Variants in PTGER3 observed in about 807,000 individuals in gnomAD.
PTGER3 encodes the protein prostaglandin E receptor 3, also known as prostaglandin E2 receptor EP3 subtype.
In PTGER3, 22 loss-of-function variants were observed where a neutral mutation model predicts 34.7. The ratio of observed to expected loss-of-function variants is 0.63; its 90% confidence interval spans 0.45 to 0.91. The LOEUF is 0.91. Among genes scored for constraint, PTGER3 ranks in the 40% least tolerant of loss-of-function variants. The pLI is 0.00. For synonymous variants in PTGER3, 241 were observed against 230.1 expected, an observed-to-expected ratio of 1.05 and a Z score of -0.43; for missense variants, 468 against 519.4, an observed-to-expected ratio of 0.90 and a Z score of 0.96.
chr1:70,968,897 A>C (rs1652805660), downstream of PTGER3, among the ~76,000 whole-genome samples: 1 of 152,060 alleles, frequency 6.6e-6, no homozygotes, highest in African/African-American at 2.4e-5. Flanking sequence ...AAAACCTTTA[A>C]TAAACATGCT....
chr1:70,881,748 G>C (rs1160544326), intron 4 of PTGER3, among the ~76,000 whole-genome samples: 3 of 152,090 alleles, frequency 2.0e-5, no homozygotes, highest in Admixed American at 6.6e-5. Flanking sequence ...TGGGTGTTCT[G>C]GTCCACAGGA....
intron 4 of PTGER3, among the ~76,000 whole-genome samples, chr1:70,862,618 A>C (rs1645951606): frequency 6.6e-6 from 1 of 152,196 alleles, no homozygotes; most frequent in Non-Finnish European, 1.5e-5. Flanking sequence ...TAAAGAAGGG[A>C]ATGCTCTAGA....
At chr1:70,994,521 G>A (rs910202077) in intron 2 of PTGER3, among the ~76,000 whole-genome samples, 11 of 151,454 alleles carry the variant, frequency 7.3e-5, no homozygotes, top group Non-Finnish European at 1.3e-4. Flanking sequence ...GCAGTAGTGC[G>A]ATCTTGGCCC....
intron 4 of PTGER3, among the ~76,000 whole-genome samples, chr1:70,942,246 C>G (rs2100548130): frequency 6.6e-6 from 1 of 152,256 alleles, no homozygotes; most frequent in East Asian, 1.9e-4. Flanking sequence ...GGAGTCTGAT[C>G]CAGGAATCAC....
At chr1:70,944,838 A>C (rs928047878) in intron 4 of PTGER3, among the ~76,000 whole-genome samples, 2 of 152,094 alleles carry the variant, frequency 1.3e-5, no homozygotes, top group African/African-American at 4.8e-5. Flanking sequence ...TTCATCAGAG[A>C]AATTAGGTAA....
chr1:71,001,862 G>C (rs577283060), intron 2 of PTGER3, among the ~76,000 whole-genome samples: 1 of 152,312 alleles, frequency 6.6e-6, no homozygotes, highest in African/African-American at 2.4e-5. Context: ...TGGGAAGTCT[G>C]TAGTAAACAT....
At chr1:70,913,295 A>T (rs1225578153) in intron 4 of PTGER3, among the ~76,000 whole-genome samples, 1 of 151,932 alleles carries the variant, frequency 6.6e-6, no homozygotes, top group Non-Finnish European at 1.5e-5. Context: ...AATTTTTAGT[A>T]GTTCATTGCT....
At chr1:71,016,730 G>A (rs149009364) in intron 1 of PTGER3, among the ~76,000 whole-genome samples, 131 of 151,956 alleles carry the variant, frequency 8.6e-4, no homozygotes, top group African/African-American at 2.8e-3. Context: ...TTGAACCTAG[G>A]AGGCAGATGT....
At chr1:70,871,227 C>G (rs560013891) in intron 4 of PTGER3, among the ~76,000 whole-genome samples, 1 of 152,208 alleles carries the variant, frequency 6.6e-6, no homozygotes, top group South Asian at 2.1e-4. Flanking sequence ...GGAGAAGGCA[C>G]TTCACATAAC....
chr1:70,858,459 A>T (rs1645858792), intron 4 of PTGER3, among the ~76,000 whole-genome samples: 1 of 152,160 alleles, frequency 6.6e-6, no homozygotes, highest in African/African-American at 2.4e-5. Context: ...TAATAAAGAC[A>T]TTTGATTCTG....
intron 1 of PTGER3, among the ~76,000 whole-genome samples, chr1:71,017,322 T>C (rs991205677): frequency 1.3e-5 from 2 of 152,172 alleles, no homozygotes; most frequent in Admixed American, 6.5e-5. Context: ...GGAATGAGGA[T>C]GACCTCCTCT....
At chr1:70,966,642 C>T (rs1652552412), downstream of PTGER3, among the ~76,000 whole-genome samples, 1 of 151,968 alleles carries the variant, frequency 6.6e-6, no homozygotes, top group South Asian at 2.1e-4. Flanking sequence ...TTGTTTCCTT[C>T]TCTGTGTCCA....
At chr1:70,930,443 T>G (rs1376378967) in intron 4 of PTGER3, among the ~76,000 whole-genome samples, 1 of 152,228 alleles carries the variant, frequency 6.6e-6, no homozygotes, top group Admixed American at 6.5e-5. Flanking sequence ...CTCCTTACAC[T>G]GTACTCATAC....
At chr1:70,958,188 C>T (rs975635163) in intron 2 of PTGER3, among the ~76,000 whole-genome samples, 3 of 151,982 alleles carry the variant, frequency 2.0e-5, no homozygotes, top group Non-Finnish European at 4.4e-5. Context: ...ATCAACATAC[C>T]GATTTCATTT....
chr1:70,876,380 C>G (rs1267202864), intron 4 of PTGER3, among the ~76,000 whole-genome samples: 1 of 150,718 alleles, frequency 6.6e-6, no homozygotes, highest in East Asian at 2.0e-4. Flanking sequence ...TTCTCCCATT[C>G]TCTAGGTTGT....
At chr1:70,944,846 T>A (rs565299356) in intron 4 of PTGER3, among the ~76,000 whole-genome samples, 1 of 152,092 alleles carries the variant, frequency 6.6e-6, no homozygotes, top group Non-Finnish European at 1.5e-5. Context: ...AGAAATTAGG[T>A]AAAAAGGGTT....
intron 1 of PTGER3, among the ~76,000 whole-genome samples, chr1:71,019,248 C>T (rs556453080): frequency 2.3e-4 from 35 of 152,322 alleles, no homozygotes; most frequent in Admixed American, 2.2e-3. Context: ...GCAGGATGCT[C>T]AGCTAACAGA....
intron 4 of PTGER3, among the ~76,000 whole-genome samples, chr1:70,892,258 C>T (rs1003729029): frequency 6.6e-6 from 1 of 152,090 alleles, no homozygotes; most frequent in Non-Finnish European, 1.5e-5. Flanking sequence ...CTTGAGTTTC[C>T]GCATGTAAAA....
At chr1:70,941,471 A>G (rs1649755824) in intron 4 of PTGER3, among the ~76,000 whole-genome samples, 3 of 152,150 alleles carry the variant, frequency 2.0e-5, no homozygotes, top group Admixed American at 2.0e-4. Context: ...TCACTATTAT[A>G]ATAACCATGA....
Sources: gnomAD v4.1 joint callset for allele counts (sites outside exome capture counted in the v4.1 genomes callset) on GRCh38, gnomAD v4.1.1 for gene constraint, MANE v1.5 for transcripts, NCBI Gene and HGNC (gene_info 2026-07-23, HGNC 2026-07-21) for gene names.